PCDH9: variants seen among roughly 807,000 people sequenced by gnomAD.
PCDH9 encodes the protein protocadherin 9.
In PCDH9, 24 loss-of-function variants were observed where a neutral mutation model predicts 70.6. The observed-to-expected ratio is 0.34, with a 90% CI of 0.25 to 0.48. The LOEUF is 0.48. Among genes scored for constraint, PCDH9 ranks in the 20% least tolerant of loss-of-function variants. The pLI is 0.99. For missense variants in PCDH9, 1,281 were observed against 1,503.6 expected (o/e 0.85, Z 2.45); for synonymous variants, 562 against 558.5 (o/e 1.01, Z -0.09).
intron 2 of PCDH9, among the ~76,000 whole-genome samples, chr13:66,934,441 TGA>T (rs1020747174): frequency 6.7e-6 from 1 of 148,520 alleles, no homozygotes; most frequent in Non-Finnish European, 1.5e-5. Flanking sequence ...CTTAGGAGGC[TGA>T]GAGAGGAGAA....
At chr13:66,320,124 A>G (rs1300216149) in intron 4 of PCDH9, among the ~76,000 whole-genome samples, 1 of 152,110 alleles carries the variant, frequency 6.6e-6, no homozygotes, top group African/African-American at 2.4e-5. Context: ...AAATTTTTGA[A>G]ATGTGCTTTA....
chr13:67,202,420 A>G (rs2089236970), intron 2 of PCDH9: 1 of 152,130 alleles, frequency 6.6e-6, no homozygotes. Context: ...TTTTAATAGA[A>G]TATTAGAATA....
At chr13:66,358,394 A>G (rs533365229) in intron 4 of PCDH9, among the ~76,000 whole-genome samples, 9 of 152,092 alleles carry the variant, frequency 5.9e-5, no homozygotes, top group Admixed American at 5.3e-4. Context: ...TTGTTACATC[A>G]AAATAAGAGG....
chr13:66,575,964 G>T (rs1200043191), intron 4 of PCDH9, among the ~76,000 whole-genome samples: 1 of 151,260 alleles, frequency 6.6e-6, no homozygotes, highest in African/African-American at 2.4e-5. Flanking sequence ...TTAGCACATA[G>T]GCATAGTACA....
At chr13:66,305,502 T>C (rs1039649167) in intron 4 of PCDH9, among the ~76,000 whole-genome samples, 1 of 152,064 alleles carries the variant, frequency 6.6e-6, no homozygotes, top group African/African-American at 2.4e-5. Context: ...AATTACCACT[T>C]GAAACATAGC....
intron 4 of PCDH9, among the ~76,000 whole-genome samples, chr13:66,622,648 C>A (rs1358070431): frequency 6.6e-6 from 1 of 152,118 alleles, no homozygotes; most frequent in Non-Finnish European, 1.5e-5. Context: ...AGTGGAGAAC[C>A]TTTGTGTGTA....
chr13:66,317,343 A>G (rs1204688991), intron 4 of PCDH9, among the ~76,000 whole-genome samples: 1 of 152,240 alleles, frequency 6.6e-6, no homozygotes, highest in East Asian at 1.9e-4. Context: ...TAACCTGTAC[A>G]TGAGAAACTT....
chr13:67,022,019 G>A (rs1273576922), intron 2 of PCDH9, among the ~76,000 whole-genome samples: 1 of 147,150 alleles, frequency 6.8e-6, no homozygotes, highest in Non-Finnish European at 1.5e-5. Context: ...TGATTAATTT[G>A]TATGCATTAG....
At position 66,792,700 on chromosome 13, in the gene PCDH9, A is replaced by G. The variant is rs544075841; in HGVS notation, c.3138+110804T>C. ...AACAACAACAAAAACCAAGCCAAGA[A>G]AACCCACCAAATCTGTGGTAATTTG... is the stretch of plus-strand genomic sequence containing the variant. On this transcript the variant is annotated intron_variant, in intron 3 of 4. Coordinates refer to ENST00000377865, the MANE Select transcript of PCDH9 (RefSeq NM_203487.3). Among the ~76,000 whole-genome samples the G allele has an allele frequency of 2.0e-5, 3 of 152,232 alleles. No homozygotes were observed. The East Asian group carries it at 5.8e-4, about 29-fold the overall frequency.
intron 4 of PCDH9, among the ~76,000 whole-genome samples, chr13:66,615,508 ACAATTGT>A (rs1340078844): frequency 6.6e-6 from 1 of 152,210 alleles, no homozygotes; most frequent in Admixed American, 6.5e-5. Context: ...CTATTCATAG[ACAATTGT>A]CATCTTGTTT....
At chr13:66,863,942 G>T (rs1037621514) in intron 3 of PCDH9, among the ~76,000 whole-genome samples, 1 of 152,040 alleles carries the variant, frequency 6.6e-6, no homozygotes, top group Non-Finnish European at 1.5e-5. Context: ...GGAAGCCTCA[G>T]GAAACTTACA....
intron 2 of PCDH9, among the ~76,000 whole-genome samples, chr13:66,998,880 C>T (rs2084178246): frequency 6.6e-6 from 1 of 152,056 alleles, no homozygotes; most frequent in Admixed American, 6.5e-5. Flanking sequence ...AATGAAAGCG[C>T]CACAAAATGT....
At chr13:66,379,336 T>A (rs1956801127) in intron 4 of PCDH9, among the ~76,000 whole-genome samples, 1 of 152,142 alleles carries the variant, frequency 6.6e-6, no homozygotes, top group Admixed American at 6.6e-5. Context: ...TATACAAATT[T>A]TTATTGATAT....
intron 4 of PCDH9, among the ~76,000 whole-genome samples, chr13:66,627,933 T>C (rs1179424880): frequency 2.6e-5 from 4 of 152,222 alleles, no homozygotes; most frequent in African/African-American, 7.2e-5. Context: ...ACTGGGTAAA[T>C]TGTTATATGT....
intron 2 of PCDH9, among the ~76,000 whole-genome samples, chr13:67,060,413 C>T (rs2085516551): frequency 6.6e-6 from 1 of 152,070 alleles, no homozygotes; most frequent in African/African-American, 2.4e-5. Context: ...CCACGAACAC[C>T]TGGCTTTGTT....
chr13:66,908,566 G>A (rs1409021374), intron 2 of PCDH9, among the ~76,000 whole-genome samples: 1 of 152,078 alleles, frequency 6.6e-6, no homozygotes, highest in Non-Finnish European at 1.5e-5. Flanking sequence ...TTTCATCAAA[G>A]CACATATCTT....
intron 4 of PCDH9, among the ~76,000 whole-genome samples, chr13:66,628,257 C>T (rs555821354): frequency 6.6e-6 from 1 of 152,212 alleles, no homozygotes; most frequent in African/African-American, 2.4e-5. Context: ...ACATATATTT[C>T]TCTTAGAGAC....
intron 3 of PCDH9, among the ~76,000 whole-genome samples, chr13:66,712,345 C>T (rs749069177): frequency 1.6e-4 from 24 of 151,972 alleles, no homozygotes; most frequent in Non-Finnish European, 2.4e-4. Flanking sequence ...AAATACAGCA[C>T]TTATTTATTT....
chr13:66,688,519 T>TG (rs2139077704), intron 3 of PCDH9, among the ~76,000 whole-genome samples: 2 of 152,222 alleles, frequency 1.3e-5, no homozygotes, highest in Admixed American at 1.3e-4. Flanking sequence ...AAAGTAGAAG[T>TG]GGAAAGCTCA....
Sources: gnomAD v4.1 joint callset for allele counts (sites outside exome capture counted in the v4.1 genomes callset) on GRCh38, gnomAD v4.1.1 for gene constraint, MANE v1.5 for transcripts, NCBI Gene and HGNC (gene_info 2026-07-23, HGNC 2026-07-21) for gene names.